The following RHPN2 variants were observed in gnomAD, a reference collection of about 807,000 sequenced individuals.
The protein encoded by RHPN2 is rhophilin Rho GTPase binding protein 2.
In RHPN2, 40 loss-of-function variants were observed where a neutral mutation model predicts 79.0. The ratio of observed to expected loss-of-function variants is 0.51; its 90% confidence interval spans 0.39 to 0.66. The LOEUF (loss-of-function observed/expected upper bound fraction) is 0.66. Ranked by LOEUF, RHPN2 falls within the 30% of genes least tolerant of loss-of-function variation. The pLI is 0.00. For synonymous variants in RHPN2, 285 were observed against 363.5 expected, an observed-to-expected ratio of 0.78 and a Z score of 2.46; for missense variants, 686 against 883.5, an observed-to-expected ratio of 0.78 and a Z score of 2.83.
At chr19:33,030,695 C>T (rs990782565) in intron 2 of RHPN2, among the ~76,000 whole-genome samples, 10 of 152,208 alleles carry the variant, frequency 6.6e-5, no homozygotes, top group African/African-American at 2.2e-4. Context: ...AAGTCATAGG[C>T]GTGATCCACT....
intron 4 of RHPN2, among the ~76,000 whole-genome samples, chr19:33,021,044 T>C (rs776713519): frequency 9.2e-5 from 14 of 152,330 alleles, no homozygotes; most frequent in Admixed American, 2.0e-4. Context: ...AAACTGGTTA[T>C]ATGATTTAAG....
At chr19:33,033,460 G>C (rs574531589) in intron 2 of RHPN2, among the ~76,000 whole-genome samples, 220 of 152,306 alleles carry the variant, frequency 1.4e-3, no homozygotes, top group African/African-American at 5.1e-3. Context: ...CAGCTACTCG[G>C]GAGGCTGAGG....
At chr19:33,034,636 C>G (rs1972041656) in intron 2 of RHPN2, among the ~76,000 whole-genome samples, 1 of 143,286 alleles carries the variant, frequency 7.0e-6, no homozygotes, top group Admixed American at 7.0e-5. Context: ...CAAAAGTTAG[C>G]TGGGCATGGT....
chr19:32,988,434 C>A, intron 14 of RHPN2, among the ~76,000 whole-genome samples: 1 of 152,132 alleles, frequency 6.6e-6, no homozygotes, highest in East Asian at 1.9e-4. Flanking sequence ...CCACCCCCAT[C>A]ACCTCAGCCA....
intron 1 of RHPN2, among the ~76,000 whole-genome samples, chr19:33,055,640 C>T (rs775286964): frequency 1.3e-5 from 2 of 151,018 alleles, no homozygotes; most frequent in Admixed American, 6.6e-5. Context: ...GTGTCTAACA[C>T]GAAATTAGCC....
At chr19:32,990,897 T>C (rs575113005) in intron 13 of RHPN2, 163 of 501,212 alleles carry the variant, frequency 3.3e-4, no homozygotes, top group African/African-American at 3.0e-3. Context: ...GGTGTGGTGG[T>C]GGGCACCTGT....
intron 7 of RHPN2, among the ~76,000 whole-genome samples, chr19:33,004,278 G>A (rs543090725): frequency 6.6e-6 from 1 of 152,248 alleles, no homozygotes; most frequent in South Asian, 2.1e-4. Flanking sequence ...GGATTCAAGT[G>A]ATCCTCCTGA....
At chr19:33,047,490 CG>C (rs1972151150) in intron 1 of RHPN2, among the ~76,000 whole-genome samples, 2 of 152,274 alleles carry the variant, frequency 1.3e-5, no homozygotes, top group Admixed American at 1.3e-4. Flanking sequence ...ACCTGGGATA[CG>C]CCCACATTCC....
intron 1 of RHPN2, 78 bp downstream of exon 1, chr19:33,064,705 TC>T: frequency 7.1e-7 from 1 of 1,411,032 alleles, no homozygotes; most frequent in Non-Finnish European, 9.4e-7. Context: ...GACTGCGCGC[TC>T]CCACGGCCCC....
chr19:33,019,454 C>G (rs2145244260), intron 4 of RHPN2, among the ~76,000 whole-genome samples: 1 of 152,226 alleles, frequency 6.6e-6, no homozygotes, highest in East Asian at 1.9e-4. Flanking sequence ...TGGCACATGC[C>G]TGTAATCCCA....
Position 32,990,137 on chromosome 19 carries a change from T to TAAAGAAAGAAAG in RHPN2, c.1800+365_1800+376dup, listed in dbSNP as rs67167337. On this transcript the variant is annotated intron_variant, in intron 14 of 14. Coordinates refer to ENST00000254260, the MANE Select transcript of RHPN2 (RefSeq NM_033103.5). The stretch of plus-strand genomic sequence containing the variant: ...AAATAAAATTAAAAAAGAAAATGAA[T>TAAAGAAAGAAAG]AAAGAAAGAAAGAAAGAAAGAAAGA... Among the ~76,000 whole-genome samples the TAAAGAAAGAAAG allele has an allele frequency of 4.3e-3, 76 of 17,882 alleles. No homozygotes were observed. In the Middle Eastern group the frequency reaches 0.17, roughly 39 times the overall value. 11.7% of individuals were successfully genotyped at this position (17,882 alleles called of 152,430 possible). A position where few individuals can be genotyped will look rare whatever the true frequency, so the allele number is the denominator to read the frequency against.
chr19:33,044,246 TACTTCA>T lies in RHPN2; in HGVS notation c.182_185+2del. 6.2e-7 allele frequency: 1 copy of T among 1,608,748 alleles called. No homozygotes were observed. On this transcript the variant is annotated splice_donor_variant and coding_sequence_variant, in exon 2 of 15. Transcript: ENST00000254260. LOFTEE classifies it high-confidence loss of function. ...AGAGGCAGGGAAGCCAGAAGACACC[TACTTCA>T]GAAGGTTTTCCGCTCCGGTCCTCAT...
At chr19:33,008,222 C>T in intron 6 of RHPN2, 42 bp from the exon 7 acceptor site, 1 of 1,576,500 alleles carries the variant, frequency 6.3e-7, no homozygotes, top group Non-Finnish European at 8.7e-7. Context: ...GATTACTTGG[C>T]TAGTTAATGC....
chr19:33,005,272 G>T (rs1599814467), intron 7 of RHPN2, among the ~76,000 whole-genome samples: 1 of 151,750 alleles, frequency 6.6e-6, no homozygotes. Context: ...AATTAGCCAG[G>T]TGTGGTGGTG....
chr19:33,033,652 T>C (rs1336871347), intron 2 of RHPN2, among the ~76,000 whole-genome samples: 1 of 151,568 alleles, frequency 6.6e-6, no homozygotes, highest in African/African-American at 2.4e-5. Context: ...GCAAATCACC[T>C]GAGGTCAGGA....
intron 2 of RHPN2, among the ~76,000 whole-genome samples, chr19:33,033,008 C>A (rs12463345): frequency 0.12 from 18,774 of 152,082 alleles, 1,639 homozygotes; most frequent in East Asian, 0.32. Flanking sequence ...TTTAATCTTA[C>A]ATGTTGTATG....
At position 33,044,388 on chromosome 19, in the gene RHPN2, C is replaced by A. The variant is rs554438819; in HGVS notation, c.70-24G>T. The stretch of plus-strand genomic sequence containing the variant: ...CCCTGAGGAAAAATAAGAGATGCCC[C>A]TTCAGAGGTCGGCCACTCTAAAAAT... On this transcript the variant is annotated intron_variant, in intron 1 of 14. Coordinates refer to ENST00000254260, the MANE Select transcript of RHPN2 (RefSeq NM_033103.5). 3.3e-6 allele frequency: 5 copies of A among 1,508,966 alleles called. No homozygotes were observed. The East Asian group carries it at 1.1e-4, about 34-fold the overall frequency. 93.5% of individuals were successfully genotyped at this position (1,508,966 alleles called of 1,614,324 possible).
At position 32,980,052 on chromosome 19, in the gene RHPN2, T is replaced by A. The variant is rs755427385; in HGVS notation, c.2005A>T (p.Lys669Ter). ...CTGAAAGGGGAGGGCAGCTTCTTCT[T>A]GACCTGAGGCCGTGCAGCCCCGACC... ...PSVGAARPQV[K>*]KKLPSPFSLL... Residue 669 changes from lysine (K) to a stop codon, truncating the protein, a stop_gained, in exon 15 of 15, where the codon AAG (lysine) becomes TAG (stop). Transcript: ENST00000254260. LOFTEE classifies it high-confidence loss of function. 6.2e-6 allele frequency: 10 copies of A among 1,613,838 alleles called. No homozygotes were observed. The highest frequency in any genetic ancestry group is 1.3e-5 in the African/African-American group (1 of 74,928).
Position 32,999,761 on chromosome 19 carries a change from G to A in RHPN2, c.1106-56C>T, listed in dbSNP as rs200498530. On this transcript the variant is annotated intron_variant, in intron 9 of 14. Coordinates refer to ENST00000254260, the MANE Select transcript of RHPN2 (RefSeq NM_033103.5). ...CTCATGGACCTGGCCACAGACCCAC[G>A]TAGAGATTTCTCTACCATGTCTCCA... The A allele has an allele frequency of 2.4e-5, 38 of 1,594,984 alleles. No homozygotes were observed. The African/African-American group carries it at 3.4e-4, about 14-fold the overall frequency.
Sources: gnomAD v4.1 joint callset for allele counts (sites outside exome capture counted in the v4.1 genomes callset) on GRCh38, gnomAD v4.1.1 for gene constraint, MANE v1.5 for transcripts, NCBI Gene and HGNC (gene_info 2026-07-23, HGNC 2026-07-21) for gene names.